MAL: variants seen among roughly 807,000 people sequenced by gnomAD.
MAL encodes mal, T cell differentiation protein (MAL blood group).
Under a neutral mutation model 16.7 loss-of-function variants are expected in MAL, and 5 were observed. The ratio of observed to expected loss-of-function variants is 0.30; its 90% CI spans 0.16 to 0.63. The LOEUF is 0.63. Ranked by LOEUF, MAL falls within the 30% of genes least tolerant of loss-of-function variation. The pLI is 0.82. For synonymous variants in MAL, 96 were observed against 85.5 expected (o/e 1.12, Z -0.67); for missense variants, 202 against 195.8 (o/e 1.03, Z -0.19).
At chr2:95,033,871 G>A (rs1023849255) in intron 1 of MAL, among the ~76,000 whole-genome samples, 23 of 152,198 alleles carry the variant, frequency 1.5e-4, no homozygotes, top group Non-Finnish European at 2.8e-4. Flanking sequence ...GCCTCAGCCA[G>A]CTCATCAAAG....
chr2:95,037,193 C>T (rs994319523), intron 1 of MAL, among the ~76,000 whole-genome samples: 3 of 97,484 alleles, frequency 3.1e-5, no homozygotes, highest in African/African-American at 1.2e-4. Context: ...GACTGAGTGA[C>T]TGAGTAGGTG....
chr2:95,031,872 T>C (rs1314870321), intron 1 of MAL, among the ~76,000 whole-genome samples: 1 of 152,212 alleles, frequency 6.6e-6, no homozygotes, highest in Non-Finnish European at 1.5e-5. Flanking sequence ...TCACAGGGGT[T>C]TGGTGGAGAA....
intron 1 of MAL, among the ~76,000 whole-genome samples, chr2:95,038,599 AGTGG>A (rs1674328752): frequency 1.3e-5 from 2 of 149,636 alleles, no homozygotes; most frequent in African/African-American, 5.0e-5. Context: ...TGAGTGACTG[AGTGG>A]GTGAGTGACT....
intron 1 of MAL, among the ~76,000 whole-genome samples, chr2:95,036,293 C>T (rs1573290227): frequency 6.6e-6 from 1 of 152,168 alleles, no homozygotes; most frequent in African/African-American, 2.4e-5. Flanking sequence ...CAGAGAATCT[C>T]GGACCCCTCC....
intron 1 of MAL, among the ~76,000 whole-genome samples, chr2:95,043,843 C>T (rs1028544536): frequency 8.5e-5 from 13 of 152,206 alleles, no homozygotes; most frequent in Admixed American, 6.5e-5. Context: ...GAAGGTCGAC[C>T]GCCCCACTGC....
intron 1 of MAL, among the ~76,000 whole-genome samples, chr2:95,036,488 A>T (rs1222211132): frequency 6.6e-6 from 1 of 152,210 alleles, no homozygotes; most frequent in Non-Finnish European, 1.5e-5. Context: ...TGCATGAGAG[A>T]GGAGAGGAAG....
intron 3 of MAL, among the ~76,000 whole-genome samples, chr2:95,050,282 C>T (rs1476891486): frequency 2.6e-5 from 4 of 152,230 alleles, no homozygotes; most frequent in African/African-American, 7.2e-5. Context: ...TCTTAATGGA[C>T]TGGATCAGAA....
At chr2:95,038,142 G>A (rs1674297856) in intron 1 of MAL, among the ~76,000 whole-genome samples, 2 of 150,816 alleles carry the variant, frequency 1.3e-5, no homozygotes, top group Non-Finnish European at 3.0e-5. Flanking sequence ...GTGACTTGAT[G>A]AGTGAGTGAC....
Position 95,025,960 on chromosome 2 carries a change from C to T in MAL, c.93+75C>T, listed in dbSNP as rs1673925049. On this transcript the variant is annotated intron_variant, in intron 1 of 3. Coordinates refer to ENST00000309988, the MANE Select transcript of MAL (RefSeq NM_002371.4). The surrounding 1 kb of genome is among the most constrained non-coding windows in gnomAD (Gnocchi z 5.6). ...TCTCTCGGGCGCCCAGCACAGCTGT[C>T]GGACGGGATCCGCTAGCTGCGCAGG... 4 of 1,292,714 alleles carry T rather than the reference C, an allele frequency of 3.1e-6. No homozygotes were observed. Among genetic ancestry groups the T allele is most frequent in the Non-Finnish European group, 4.3e-6 (4 of 934,690 alleles). The allele number at this position is 1,292,714 out of a possible 1,614,324, so 80.1% of individuals were successfully genotyped here. A position where few individuals can be genotyped will look rare whatever the true frequency, so the allele number is the denominator to read the frequency against.
intron 1 of MAL, among the ~76,000 whole-genome samples, chr2:95,042,264 T>G (rs754859926): frequency 3.3e-5 from 5 of 152,234 alleles, no homozygotes; most frequent in Admixed American, 6.5e-5. Flanking sequence ...CCGTTTCCTC[T>G]TCTGTCTTAC....
Position 95,037,744 on chromosome 2 carries a change from GTGAGTGAGTGAC to G in MAL, c.94-10183_94-10172del, listed in dbSNP as rs1427853338. On this transcript the variant is annotated intron_variant, in intron 1 of 3. Coordinates refer to ENST00000309988, the MANE Select transcript of MAL (RefSeq NM_002371.4). ...ACTGAGTCAGTGAGTGACTGAGTGG[GTGAGTGAGTGAC>G]TGAGTGAGTGACTGAGTGAGTGACT... 5.5e-3 allele frequency among the ~76,000 whole-genome samples: 815 copies of G among 148,748 alleles called. 5 individuals are homozygous for G. The highest frequency in any genetic ancestry group is 7.0e-3 in the Middle Eastern group (2 of 286).
chr2:95,036,905 CTGAG>C (rs1462398391), intron 1 of MAL, among the ~76,000 whole-genome samples: 2 of 109,380 alleles, frequency 1.8e-5, no homozygotes, highest in African/African-American at 7.2e-5. Context: ...GAGTGAGTGA[CTGAG>C]TGAGTGACTG....
At chr2:95,039,011 G>A (rs1490806551) in intron 1 of MAL, among the ~76,000 whole-genome samples, 18 of 103,826 alleles carry the variant, frequency 1.7e-4, no homozygotes, top group South Asian at 3.5e-4. Flanking sequence ...TGACTGAGTG[G>A]GTGAGTCAGT....
chr2:95,046,511 G>A (rs116450974), intron 1 of MAL, among the ~76,000 whole-genome samples: 2 of 152,188 alleles, frequency 1.3e-5, no homozygotes, highest in East Asian at 1.9e-4. Context: ...GAGTTTGTAC[G>A]TACCCATCCG....
chr2:95,034,794 G>A (rs1674167700), intron 1 of MAL, among the ~76,000 whole-genome samples: 1 of 152,246 alleles, frequency 6.6e-6, no homozygotes, highest in East Asian at 1.9e-4. Context: ...TTCTTTGTTG[G>A]AGGTGACCCT....
At chr2:95,043,515 C>T (rs1377999915) in intron 1 of MAL, among the ~76,000 whole-genome samples, 4 of 152,230 alleles carry the variant, frequency 2.6e-5, no homozygotes, top group African/African-American at 4.8e-5. Context: ...CGGAGGACAG[C>T]TCCTCTGAGA....
At chr2:95,047,887 C>A (rs564863843) in intron 1 of MAL, 72 bp from the exon 2 acceptor site, 1 of 1,484,058 alleles carries the variant, frequency 6.7e-7, no homozygotes, top group Non-Finnish European at 9.1e-7. Flanking sequence ...CCCATGTGAC[C>A]GCTGGTCGGG....
intron 1 of MAL, among the ~76,000 whole-genome samples, chr2:95,029,304 C>A (rs1674021343): frequency 6.6e-6 from 1 of 152,254 alleles, no homozygotes; most frequent in South Asian, 2.1e-4. Context: ...GTGGTGTTCA[C>A]TTCCAAGCAC....
At chr2:95,049,295 C>T (rs1275110527) in intron 2 of MAL, among the ~76,000 whole-genome samples, 8 of 152,234 alleles carry the variant, frequency 5.3e-5, no homozygotes, top group African/African-American at 1.9e-4. Context: ...ACCAGCTTTT[C>T]CCTGGGACAC....
Sources: allele counts gnomAD v4.1 joint callset (sites outside exome capture counted in the v4.1 genomes callset), GRCh38; gene constraint gnomAD v4.1.1; non-coding constraint Gnocchi (gnomAD v3.1); transcripts MANE v1.5; gene names NCBI Gene and HGNC (gene_info 2026-07-23, HGNC 2026-07-21).